The following FIBP variants were observed in gnomAD, a reference collection of about 807,000 sequenced individuals.
FIBP encodes the protein acidic fibroblast growth factor intracellular-binding protein.
A neutral mutation model predicts 40.5 loss-of-function variants in FIBP; 29 were observed. The ratio of observed to expected loss-of-function variants is 0.72; its 90% CI spans 0.53 to 0.98. The LOEUF (loss-of-function observed/expected upper bound fraction) is 0.98. Ranked by LOEUF, FIBP falls within the 50% of genes least tolerant of loss-of-function variation. The pLI is 0.00. For synonymous variants in FIBP, 215 were observed against 191.1 expected (o/e 1.13, Z -1.03); for missense variants, 411 against 470.2 (o/e 0.87, Z 1.16).
In FIBP at chr11:65,885,601, T is replaced by G. The variant is rs1375594431; in HGVS notation, c.575A>C (p.Gln192Pro). The change falls in exon 5 of 10, where the codon CAG (glutamine) becomes CCG (proline). Residue 192 changes from glutamine to proline, a missense_variant. Coordinates refer to ENST00000357519, the MANE Select transcript of FIBP (RefSeq NM_004214.5). Reference sequence around the variant, plus strand: ...GGCAAAGTCACCGAAGCTCAGATACTGCAGTTTTTTCTTCCCTGTCTCAAA... The same window carrying G: ...GGCAAAGTCACCGAAGCTCAGATACGGCAGTTTTTTCTTCCCTGTCTCAAA... ...NRFETGKKKLQYLSFGDFAFC... is the reference protein window; with the variant it reads ...NRFETGKKKLPYLSFGDFAFC... The G allele has an allele frequency of 6.2e-7, 1 of 1,614,062 alleles. No homozygotes were observed. Among genetic ancestry groups the G allele is most frequent in the Admixed American group, 1.7e-5 (1 of 60,002 alleles).
Position 65,888,112 on chromosome 11 carries a change from G to A in FIBP, c.106C>T (p.Arg36Trp), listed in dbSNP as rs746594129. ...TGCTCCAGGATTCCCGAGCGCACCC[G>A]CAGGGCCACCGCGTCGGTCACTGGA... Reference protein sequence around the residue: ...GYSVTDAVALRVRSGILEQTG... With the variant: ...GYSVTDAVALWVRSGILEQTG... Residue 36 changes from arginine to tryptophan, a missense_variant, in exon 2 of 10, where the codon CGG becomes TGG. Transcript: ENST00000357519. 54 of 1,583,578 alleles carry A rather than the reference G, an allele frequency of 3.4e-5. No individual in the cohort carries two copies. The highest frequency in any genetic ancestry group is 4.2e-5 in the Non-Finnish European group (49 of 1,168,192).
Position 65,885,173 on chromosome 11 carries a change from AT to A in FIBP, c.659del (p.Asp220ValfsTer7). ...WTLGAVDSQM[D>X]DMDMDLDKEF... ...CCTTGTCTAAGTCCATGTCCATGTC[AT>A]CCATCTGTGAGTCTGTGAGGCCATG... On this transcript the variant is annotated frameshift_variant, in exon 6 of 10. Transcript: ENST00000357519. LOFTEE classifies it high-confidence loss of function. 3.5e-6 allele frequency: 5 copies of A among 1,421,954 alleles called. No individual in the cohort carries two copies. Among genetic ancestry groups the A allele is most frequent in the Non-Finnish European group, 3.9e-6 (4 of 1,030,848 alleles). The allele number at this position is 1,421,954 out of a possible 1,614,324, so 88.1% of individuals were successfully genotyped here. A position where few individuals can be genotyped will look rare whatever the true frequency, so the allele number is the denominator to read the frequency against.
At chr11:65,886,457 C>G in intron 3 of FIBP, 35 bp from the exon 4 acceptor site, 6 of 1,394,850 alleles carry the variant, frequency 4.3e-6, no homozygotes, top group Non-Finnish European at 6.1e-6. Flanking sequence ...GAGGACTGGT[C>G]AGAGTGTACA....
chr11:65,886,169 TAAAAAAA>T (rs5792375), intron 4 of FIBP, 146 bp downstream of exon 4: 4 of 336,758 alleles, frequency 1.2e-5, no homozygotes, highest in Admixed American at 5.3e-5. Context: ...TCCGTCTCAT[TAAAAAAA>T]AAAAAAAAAA....
Position 65,885,206 on chromosome 11 carries a change from G to T in FIBP, c.647-20C>A, listed in dbSNP as rs141444067. On this transcript the variant is annotated intron_variant, in intron 5 of 9. Transcript: ENST00000357519. ...GTGAGTCTGTGAGGCCATGAAGGGG[G>T]TGGGGGTGGGTGATAAAAACCCCTC... 1 of 1,386,452 alleles carries T rather than the reference G, an allele frequency of 7.2e-7. No individual in the cohort carries two copies. The highest frequency in any genetic ancestry group is 1.0e-6 in the Non-Finnish European group (1 of 973,230). 85.9% of individuals were successfully genotyped at this position (1,386,452 alleles called of 1,614,324 possible).
intron 4 of FIBP, 183 bp from the exon 5 acceptor site, chr11:65,885,846 C>T (rs1377649360): frequency 5.0e-6 from 3 of 605,472 alleles, no homozygotes; most frequent in Non-Finnish European, 5.7e-6. Flanking sequence ...GGTTCCAGCT[C>T]AAGTTTACTA....
rs1349817464 is a variant in FIBP, at chr11:65,884,959, G to C, written c.795C>G (p.Phe265Leu). Residue 265 changes from phenylalanine to leucine, a missense_variant, in exon 7 of 10, where the codon TTC becomes TTG. Coordinates refer to ENST00000357519, the MANE Select transcript of FIBP (RefSeq NM_004214.5). ...CTALRGKLGV[F>L]SEMEANFKNL... ...CCTTGAAGTTGGCTTCCATCTCAGA[G>C]AAGACGCCCAGCTTTCCCCGGAGAG... The C allele has an allele frequency of 3.1e-6, 5 of 1,614,192 alleles. No individual in the cohort carries two copies. Among genetic ancestry groups the C allele is most frequent in the Non-Finnish European group, 4.2e-6 (5 of 1,180,044 alleles).
chr11:65,887,558 A>G, intron 3 of FIBP, 42 bp downstream of exon 3: 1 of 1,610,752 alleles, frequency 6.2e-7, no homozygotes, highest in African/African-American at 1.3e-5. Flanking sequence ...GAGGGAGTGA[A>G]GTGTAGATGG....
chr11:65,884,076 T>C (rs746605016), intron 9 of FIBP, 33 bp from the exon 10 acceptor site: 1 of 1,552,546 alleles, frequency 6.4e-7, no homozygotes, highest in South Asian at 1.1e-5. Flanking sequence ...AGCTGAGTTT[T>C]CACAACACTC....
intron 4 of FIBP, 131 bp downstream of exon 4, chr11:65,886,189 AAG>A: frequency 7.6e-6 from 4 of 529,414 alleles, no homozygotes; most frequent in Non-Finnish European, 1.3e-5. Flanking sequence ...AAAAAAAAAA[AAG>A]TACAGACCAA....
intron 3 of FIBP, 62 bp downstream of exon 3, chr11:65,887,538 T>C: frequency 6.3e-7 from 1 of 1,587,018 alleles, no homozygotes; most frequent in Non-Finnish European, 8.6e-7. Flanking sequence ...ACTGGGCCAG[T>C]GGCCAAAGGG....
intron 3 of FIBP, 53 bp downstream of exon 3, chr11:65,887,547 G>T: frequency 6.2e-7 from 1 of 1,604,432 alleles, no homozygotes. Flanking sequence ...GTGGCCAAAG[G>T]GAGGGAGTGA....
chr11:65,884,735 G>A (rs748791845), intron 7 of FIBP, 79 bp from the exon 8 acceptor site: 16 of 1,448,556 alleles, frequency 1.1e-5, no homozygotes, highest in Non-Finnish European at 1.5e-5. Context: ...GGGAGGAGGA[G>A]CAGGCCCCTC....
At chr11:65,885,342 C>A in intron 5 of FIBP, 156 bp from the exon 6 acceptor site, 2 of 902,110 alleles carry the variant, frequency 2.2e-6, no homozygotes, top group Non-Finnish European at 3.5e-6. Context: ...CACAGAGAGG[C>A]AATGGGCCCT....
Position 65,885,154 on chromosome 11 carries a change from C to G in FIBP, c.679G>C (p.Asp227His). Reference sequence around the variant, plus strand: ...TTCAAGTCCTGGAGAAATTCCTTGTCTAAGTCCATGTCCATGTCATCCATC... The same window carrying G: ...TTCAAGTCCTGGAGAAATTCCTTGTGTAAGTCCATGTCCATGTCATCCATC... Reference protein sequence around the residue: ...SQMDDMDMDLDKEFLQDLKEL... With the variant: ...SQMDDMDMDLHKEFLQDLKEL... Residue 227 changes from aspartate (D) to histidine (H), a missense_variant, in exon 6 of 10, where the codon GAC (aspartate) becomes CAC (histidine). By Grantham distance (81) the Asp-to-His change is moderately conservative (BLOSUM62 -1). Coordinates refer to ENST00000357519, the MANE Select transcript of FIBP (RefSeq NM_004214.5). The G allele has an allele frequency of 6.7e-7, 1 of 1,489,352 alleles. No homozygotes were observed. Among genetic ancestry groups the G allele is most frequent in the East Asian group, 2.8e-5 (1 of 35,810 alleles). 92.3% of individuals were successfully genotyped at this position (1,489,352 alleles called of 1,614,324 possible). A position where few individuals can be genotyped will look rare whatever the true frequency, so the allele number is the denominator to read the frequency against.
intron 5 of FIBP, 114 bp downstream of exon 5, chr11:65,885,416 C>G: frequency 7.6e-7 from 1 of 1,317,860 alleles, no homozygotes; most frequent in South Asian, 1.3e-5. Flanking sequence ...TGGGTGGGGG[C>G]CATGAACAGG....
At chr11:65,888,216 C>T in intron 1 of FIBP, 84 bp from the exon 2 acceptor site, 2 of 1,473,846 alleles carry the variant, frequency 1.4e-6, no homozygotes, top group Non-Finnish European at 9.1e-7. Flanking sequence ...CCTATAACAC[C>T]TCTTATTCCC....
chr11:65,885,605 GT>G lies in FIBP; in HGVS notation c.570del (p.Lys190AsnfsTer5). 1.9e-6 allele frequency: 3 copies of G among 1,614,192 alleles called. No individual in the cohort carries two copies. Among genetic ancestry groups the G allele is most frequent in the Non-Finnish European group, 2.5e-6 (3 of 1,180,026 alleles). ...ANNRFETGKK[K>X]LQYLSFGDFA... is the part of the protein sequence containing the mutation. ...AAGTCACCGAAGCTCAGATACTGCA[GT>G]TTTTTCTTCCCTGTCTCAAAGCGGT... On this transcript the variant is annotated frameshift_variant, in exon 5 of 10. Transcript: ENST00000357519. LOFTEE classifies it high-confidence loss of function.
chr11:65,885,264 CCTT>C, intron 5 of FIBP, 78 bp from the exon 6 acceptor site: 1 of 1,176,814 alleles, frequency 8.5e-7, no homozygotes, highest in Non-Finnish European at 1.3e-6. Context: ...TCACCCACCA[CCTT>C]ATTTCCCCCC....
Sources: gnomAD v4.1 joint callset for allele counts on GRCh38, gnomAD v4.1.1 for gene constraint, MANE v1.5 for transcripts, NCBI Gene and HGNC (gene_info 2026-07-23, HGNC 2026-07-21) for gene names.